Variants in TCF25 observed in about 807,000 individuals in gnomAD.
TCF25 encodes the protein ribosome quality control complex subunit TCF25.
TCF25 carries 41 observed loss-of-function variants against 83.1 expected under a neutral mutation model. The ratio of observed to expected loss-of-function variants is 0.49; its 90% confidence interval spans 0.38 to 0.64. The LOEUF (loss-of-function observed/expected upper bound fraction) is 0.64. Ranked by LOEUF, TCF25 falls within the 30% of genes least tolerant of loss-of-function variation. The pLI, the probability that TCF25 is intolerant of heterozygous loss-of-function variation, is 0.00. For synonymous variants in TCF25, 458 were observed against 365.0 expected, an observed-to-expected ratio of 1.25 and a Z score of -2.90; for missense variants, 979 against 914.5, an observed-to-expected ratio of 1.07 and a Z score of -0.91.
At chr16:89,884,534 T>G (rs764918023) in intron 2 of TCF25, 48 bp from the exon 3 acceptor site, 1 of 1,598,190 alleles carries the variant, frequency 6.3e-7, no homozygotes, top group African/African-American at 1.3e-5. Context: ...TCTCACTTCT[T>G]AAGATTTACT....
intron 5 of TCF25, among the ~76,000 whole-genome samples, chr16:89,889,068 G>C (rs1032247104): frequency 1.3e-5 from 2 of 152,082 alleles, no homozygotes; most frequent in South Asian, 2.1e-4. Context: ...GCGATGGGGA[G>C]CACAGGGTCT....
At chr16:89,879,336 G>T (rs1323394694) in intron 1 of TCF25, among the ~76,000 whole-genome samples, 1 of 149,978 alleles carries the variant, frequency 6.7e-6, no homozygotes, top group Non-Finnish European at 1.5e-5. Flanking sequence ...CGTGTACACA[G>T]ACGGGCTCCT....
chr16:89,907,968 GCTCCCACCTCCCAGCTCCCGC>G (rs2045075978), intron 16 of TCF25, among the ~76,000 whole-genome samples: 2 of 53,634 alleles, frequency 3.7e-5, no homozygotes, highest in Non-Finnish European at 7.0e-5. Flanking sequence ...CCGCCGCCTA[GCTCCCACCTCCCAGCTCCCGC>G]CTCCCACCTC....
chr16:89,889,332 C>T lies in TCF25; in HGVS notation c.614+1615C>T, dbSNP rs146114477. 1.5e-3 allele frequency: 442 copies of T among 288,270 alleles called. 2 individuals carry two copies. In the East Asian group the frequency reaches 0.019, roughly 12 times the overall value. The allele number at this position is 288,270 out of a possible 1,614,324, so 17.9% of individuals were successfully genotyped here. A position where few individuals can be genotyped will look rare whatever the true frequency, so the allele number is the denominator to read the frequency against. ...AGCTGGGACTACCGGCACATGCCAC[C>T]GCTAATTTATTTTATTTTATTTTTT... On this transcript the variant is annotated intron_variant, in intron 5 of 17. Transcript: ENST00000263346.
intron 15 of TCF25, 44 bp from the exon 16 acceptor site, chr16:89,907,199 C>T (rs761817858): frequency 1.0e-5 from 16 of 1,599,764 alleles, no homozygotes; most frequent in South Asian, 2.2e-5. Context: ...TAGAGGCCCC[C>T]TGGCAGCATC....
At chr16:89,896,214 C>T (rs1046698813) in intron 9 of TCF25, 131 bp downstream of exon 9, 9 of 710,960 alleles carry the variant, frequency 1.3e-5, no homozygotes, top group Non-Finnish European at 2.1e-5. Context: ...CAGAGTGACC[C>T]ACCTTCCTCT....
At chr16:89,908,702 A>G (rs878924620) in intron 16 of TCF25, among the ~76,000 whole-genome samples, 4 of 7,536 alleles carry the variant, frequency 5.3e-4, no homozygotes, top group South Asian at 4.0e-3. Flanking sequence ...CCCGCCTCCC[A>G]GCTCCCACCT....
chr16:89,910,792 C>A (rs570704673), intron 17 of TCF25, 129 bp downstream of exon 17: 3 of 1,124,918 alleles, frequency 2.7e-6, no homozygotes, highest in African/African-American at 3.1e-5. Context: ...AGGACCAAGG[C>A]TGCATTGTGC....
chr16:89,894,509 C>A (rs968818468), intron 7 of TCF25, among the ~76,000 whole-genome samples: 1 of 152,216 alleles, frequency 6.6e-6, no homozygotes, highest in African/African-American at 2.4e-5. Context: ...ATTCCTCTTT[C>A]TTGGGGCTTA....
intron 3 of TCF25, among the ~76,000 whole-genome samples, chr16:89,885,565 A>T (rs1048637249): frequency 6.6e-6 from 1 of 152,176 alleles, no homozygotes; most frequent in Non-Finnish European, 1.5e-5. Flanking sequence ...CACAAGTCCC[A>T]ACCCTGTTTG....
rs750259266 is a variant in TCF25 at position 89,898,572 on chromosome 16, C to T, written c.1038C>T (p.Ala346=). The part of the protein sequence containing the change: ...RRPENRSFYL[A]LYKQMSFLEK... ...TTGGATCTAGGAGCTTCTACCTGGC[C>T]CTCTACAAGCAGATGAGCTTCCTGG... Residue 346 remains alanine, a synonymous_variant, in exon 10 of 18, where the codon GCC becomes GCT. Transcript: ENST00000263346. 3.1e-6 allele frequency: 5 copies of T among 1,613,122 alleles called. No individual in the cohort carries two copies. The highest frequency in any genetic ancestry group is 3.3e-5 in the Admixed American group (2 of 60,022).
Position 89,885,929 on chromosome 16 carries a change from C to G in TCF25, c.511C>G (p.Leu171Val), listed in dbSNP as rs2042971474. ...TGLNRPGPAP[L>V]SSRKHVLYVE... ...GTTGAACCGTCCCGGCCCAGCTCCC[C>G]TGAGCTCCAGGAAGCACGTTCTCTA... is the stretch of plus-strand genomic sequence containing the variant. Residue 171 changes from leucine (L) to valine (V), a missense_variant, in exon 4 of 18, where the codon CTG (leucine) becomes GTG (valine). Physicochemically the swap from Leu to Val is conservative, Grantham distance 32. Coordinates refer to ENST00000263346, the MANE Select transcript of TCF25 (RefSeq NM_014972.3). 1 of 1,612,978 alleles carries G rather than the reference C, an allele frequency of 6.2e-7. No homozygotes were observed. The highest frequency in any genetic ancestry group is 2.2e-5 in the East Asian group (1 of 44,852).
intron 5 of TCF25, among the ~76,000 whole-genome samples, chr16:89,888,879 G>A (rs1170553505): frequency 1.4e-5 from 2 of 145,858 alleles, no homozygotes; most frequent in Non-Finnish European, 3.0e-5. Context: ...TAGAGACGGG[G>A]CTTCACCATG....
chr16:89,873,968 G>A lies in TCF25; in HGVS notation c.192+109G>A, dbSNP rs1334286112. 5 of 1,316,452 alleles carry A rather than the reference G, an allele frequency of 3.8e-6. No homozygotes were observed. The Admixed American group carries it at 1.2e-4, about 31-fold the overall frequency. The allele number at this position is 1,316,452 out of a possible 1,614,324, so 81.5% of individuals were successfully genotyped here. A position where few individuals can be genotyped will look rare whatever the true frequency, so the allele number is the denominator to read the frequency against. On this transcript the variant is annotated intron_variant, in intron 1 of 17. Transcript: ENST00000263346. ...GGGGTTGTGATGCCAGGGGTGGGAA[G>A]GGTGACGTGGGTCCCAGCCGCAGTG...
chr16:89,902,688 C>CA (rs1300407375), intron 12 of TCF25, among the ~76,000 whole-genome samples: 30 of 107,144 alleles, frequency 2.8e-4, no homozygotes, highest in Admixed American at 1.1e-3. Context: ...GACTCCGTCT[C>CA]AAAAAAAAAG....
intron 1 of TCF25, among the ~76,000 whole-genome samples, chr16:89,879,342 C>G: frequency 6.8e-6 from 1 of 147,618 alleles, no homozygotes; most frequent in Admixed American, 6.8e-5. Context: ...CACAGACGGG[C>G]TCCTGGGCCT....
At chr16:89,900,535 C>T (rs1172781375) in intron 11 of TCF25, 100 bp from the exon 12 acceptor site, 4 of 1,369,560 alleles carry the variant, frequency 2.9e-6, no homozygotes, top group African/African-American at 1.4e-5. Flanking sequence ...AATATACCTG[C>T]TCGGGGTAGG....
rs1027312927 is a variant in TCF25 at position 89,904,671 on chromosome 16, G to A, written c.1470-267G>A. ...CCTCCAGGGCTCGCCCTGTGTGCAC[G>A]CAGATGGACCCGCCCTGGGTGCATT... On this transcript the variant is annotated intron_variant, in intron 13 of 17. Coordinates refer to ENST00000263346, the MANE Select transcript of TCF25 (RefSeq NM_014972.3). 6.5e-5 allele frequency: 38 copies of A among 586,624 alleles called. 1 individual carries two copies. The highest frequency in any genetic ancestry group is 4.5e-4 in the African/African-American group (24 of 53,694). 36.3% of individuals were successfully genotyped at this position (586,624 alleles called of 1,614,324 possible). A position where few individuals can be genotyped will look rare whatever the true frequency, so the allele number is the denominator to read the frequency against.
At chr16:89,882,048 G>A (rs1014863553) in intron 1 of TCF25, among the ~76,000 whole-genome samples, 2 of 152,156 alleles carry the variant, frequency 1.3e-5, no homozygotes, top group African/African-American at 2.4e-5. Context: ...CCGCCACCGT[G>A]CCCGGTCAGC....
Sources: allele counts gnomAD v4.1 joint callset (sites outside exome capture counted in the v4.1 genomes callset), GRCh38; gene constraint gnomAD v4.1.1; transcripts MANE v1.5; gene names NCBI Gene and HGNC (gene_info 2026-07-23, HGNC 2026-07-21).